Variants in ENO4 observed in about 807,000 individuals in gnomAD.
ENO4 encodes 2-phospho-D-glycerate hydro-lyase.
In ENO4, 53 loss-of-function variants were observed where a neutral mutation model predicts 63.2. The observed-to-expected ratio is 0.84, with a 90% confidence interval of 0.67 to 1.05. The LOEUF is 1.05. ENO4 is among the 50% of genes least tolerant of loss of function. The pLI is 0.00. For synonymous variants in ENO4, 266 were observed against 283.8 expected (o/e 0.94, Z 0.63); for missense variants, 719 against 772.0 (o/e 0.93, Z 0.81).
At chr10:116,893,509 C>T (rs1289864351) in intron 10 of ENO4, among the ~76,000 whole-genome samples, 1 of 148,726 alleles carries the variant, frequency 6.7e-6, no homozygotes, top group Non-Finnish European at 1.5e-5. Flanking sequence ...AGTCTCTTCT[C>T]AGAAACAAAT....
intron 1 of ENO4, among the ~76,000 whole-genome samples, chr10:116,852,460 ACTT>A (rs1367182317): frequency 1.3e-5 from 2 of 152,338 alleles, no homozygotes; most frequent in African/African-American, 4.8e-5. Context: ...TATCTCTGCC[ACTT>A]CCTCACTGTG....
At chr10:116,869,977 C>T (rs1447665806) in intron 8 of ENO4, among the ~76,000 whole-genome samples, 1 of 152,118 alleles carries the variant, frequency 6.6e-6, no homozygotes, top group Non-Finnish European at 1.5e-5. Flanking sequence ...CAGTACCTGG[C>T]ATTTAGTAAG....
Position 116,879,950 on chromosome 10 carries a change from A to G in ENO4, c.1687A>G (p.Thr563Ala). 1 of 1,550,602 alleles carries G rather than the reference A, an allele frequency of 6.4e-7. No individual in the cohort carries two copies. The highest frequency in any genetic ancestry group is 8.7e-7 in the Non-Finnish European group (1 of 1,146,968). Residue 563 changes from threonine to alanine, a missense_variant, in exon 13 of 14, where the codon ACT becomes GCT. By Grantham distance (58) the Thr-to-Ala change is moderately conservative (BLOSUM62 0). Around this residue, in one of 3 missense-constraint regions of ENO4, gnomAD observed 168 missense variants for 163.3 expected, o/e 1.03. Transcript: ENST00000341276. ...ERVTKYNRLL[T>A]IEEELVQNGT... ...AGTGACTAAATACAACCGCCTTCTCACTATAGAGGAAGAACTTGTCCAGAA... is the reference window on the plus strand; with the variant it reads ...AGTGACTAAATACAACCGCCTTCTCGCTATAGAGGAAGAACTTGTCCAGAA...
downstream of ENO4, chr10:116,885,274 T>C (rs1847130848): frequency 6.6e-6 from 1 of 152,638 alleles, no homozygotes; most frequent in Non-Finnish European, 1.5e-5. Context: ...ATCATTGTCA[T>C]AAAAAGTGCA....
intron 1 of ENO4, among the ~76,000 whole-genome samples, chr10:116,853,219 C>T (rs1208467044): frequency 2.9e-5 from 4 of 136,544 alleles, no homozygotes; most frequent in Admixed American, 8.4e-5. Context: ...GGCGTGAACC[C>T]GGGAGGCGGA....
intron 10 of ENO4, chr10:116,902,096 ATGT>A (rs1847762944): frequency 1.4e-6 from 1 of 727,012 alleles, no homozygotes; most frequent in Non-Finnish European, 2.2e-6. Flanking sequence ...ATGCTGGAAA[ATGT>A]TGTTGGAAAT....
At chr10:116,854,404 A>G (rs1273095359) in intron 1 of ENO4, among the ~76,000 whole-genome samples, 3 of 151,880 alleles carry the variant, frequency 2.0e-5, no homozygotes, top group African/African-American at 7.3e-5. Context: ...CTAAAAATAC[A>G]AAAGAATTAG....
intron 10 of ENO4, among the ~76,000 whole-genome samples, chr10:116,889,087 T>TACTA (rs1347080955): frequency 6.6e-6 from 1 of 152,210 alleles, no homozygotes; most frequent in Non-Finnish European, 1.5e-5. Context: ...CATCAACCCA[T>TACTA]ACTAACCTTC....
downstream of ENO4, chr10:116,884,824 T>C: frequency 6.4e-6 from 1 of 155,908 alleles, no homozygotes; most frequent in South Asian, 1.9e-4. Context: ...GCCTTTTTAA[T>C]AAGTTGTGGT....
chr10:116,861,254 TATACTCCGTCA>T, intron 6 of ENO4, 64 bp downstream of exon 6: 1 of 416,426 alleles, frequency 2.4e-6, no homozygotes, highest in Non-Finnish European at 3.6e-6. Context: ...TATATATATA[TATACTCCGTCA>T]TTGATGAACT....
At chr10:116,887,374 G>A (rs1284620114), downstream of ENO4, among the ~76,000 whole-genome samples, 1 of 152,222 alleles carries the variant, frequency 6.6e-6, no homozygotes, top group African/African-American at 2.4e-5. Flanking sequence ...GCTGCGGCCT[G>A]AAGGTGGAGG....
At chr10:116,863,627 T>C (rs977465724) in intron 7 of ENO4, among the ~76,000 whole-genome samples, 1 of 152,142 alleles carries the variant, frequency 6.6e-6, no homozygotes, top group African/African-American at 2.4e-5. Context: ...TAGGAAGCAG[T>C]AGGGCTGAGG....
Position 116,881,703 on chromosome 10 carries a change from C to A in ENO4, c.*34C>A. ...ACACCCCAGGTTCCAGCCACACCAT[C>A]AGTATTAGTAGACCGGGAGGTCTGA... On this transcript the variant is annotated 3_prime_UTR_variant, in exon 14 of 14. Coordinates refer to ENST00000341276, the MANE Select transcript of ENO4 (RefSeq NM_001242699.2). 1 of 1,433,978 alleles carries A rather than the reference C, an allele frequency of 7.0e-7. No individual in the cohort carries two copies. Among genetic ancestry groups the A allele is most frequent in the Non-Finnish European group, 9.2e-7 (1 of 1,087,902 alleles). 88.8% of individuals were successfully genotyped at this position (1,433,978 alleles called of 1,614,324 possible).
intron 3 of ENO4, among the ~76,000 whole-genome samples, chr10:116,858,307 G>A (rs1339985477): frequency 6.6e-6 from 1 of 152,196 alleles, no homozygotes; most frequent in Non-Finnish European, 1.5e-5. Flanking sequence ...TGGGAATGTT[G>A]ATACTTTGCC....
chr10:116,876,425 A>T (rs1273759367), intron 11 of ENO4, among the ~76,000 whole-genome samples, 165 bp downstream of exon 11: 2 of 152,240 alleles, frequency 1.3e-5, no homozygotes, highest in African/African-American at 4.8e-5. Flanking sequence ...AAGGCAGCTT[A>T]CTGACTCCCT....
downstream of ENO4, chr10:116,886,636 G>A (rs2133294744): frequency 6.3e-7 from 1 of 1,587,834 alleles, no homozygotes; most frequent in East Asian, 2.2e-5. Flanking sequence ...TGATATTCTG[G>A]ATTCAGACTA....
intron 11 of ENO4, 54 bp from the exon 12 acceptor site, chr10:116,879,237 A>T (rs954778192): frequency 7.8e-7 from 1 of 1,287,376 alleles, no homozygotes; most frequent in African/African-American, 1.5e-5. Context: ...CCAGAGGCCC[A>T]CATGTATCCT....
chr10:116,886,276 A>G, downstream of ENO4: 2 of 1,546,914 alleles, frequency 1.3e-6, no homozygotes, highest in Non-Finnish European at 1.7e-6. Flanking sequence ...GCCCTTGCCA[A>G]TATAACAACA....
intron 10 of ENO4, among the ~76,000 whole-genome samples, chr10:116,905,492 T>C (rs1847934630): frequency 6.6e-6 from 1 of 152,136 alleles, no homozygotes; most frequent in Non-Finnish European, 1.5e-5. Flanking sequence ...TGGCTGATTT[T>C]TGTTTTTTAA....
Sources: allele counts gnomAD v4.1 joint callset (sites outside exome capture counted in the v4.1 genomes callset), GRCh38; gene constraint gnomAD v4.1.1; regional missense constraint gnomAD v4.1.1; transcripts MANE v1.5; gene names NCBI Gene and HGNC (gene_info 2026-07-23, HGNC 2026-07-21).